Variants in PTPRD observed in about 807,000 individuals in gnomAD.
PTPRD encodes the protein protein tyrosine phosphatase receptor type D, also known as receptor-type tyrosine-protein phosphatase delta.
In PTPRD, 34 loss-of-function variants were observed where a neutral mutation model predicts 214.5. The ratio of observed to expected loss-of-function variants is 0.16; its 90% confidence interval spans 0.12 to 0.21. The LOEUF (loss-of-function observed/expected upper bound fraction) is 0.21. Among genes scored for constraint, PTPRD ranks in the 10% least tolerant of loss-of-function variants. The pLI is 1.00. For synonymous variants in PTPRD, 1,128 were observed against 845.7 expected (o/e 1.33, Z -5.79); for missense variants, 2,545 against 2,398.7 (o/e 1.06, Z -1.27).
chr9:8,947,160 A>G (rs1264918097), intron 11 of PTPRD, among the ~76,000 whole-genome samples: 1 of 148,610 alleles, frequency 6.7e-6, no homozygotes, highest in Non-Finnish European at 1.5e-5. Flanking sequence ...GCTTTATTTT[A>G]TTTTTAAAAA....
At chr9:9,385,186 G>A (rs2063506084) in intron 9 of PTPRD, among the ~76,000 whole-genome samples, 1 of 152,108 alleles carries the variant, frequency 6.6e-6, no homozygotes, top group African/African-American at 2.4e-5. Flanking sequence ...GTATCCACTT[G>A]TCTGAAAGCC....
rs532352744 is a variant in PTPRD at position 8,517,199 on chromosome 9, C to G, written c.1543+649G>C. Among the ~76,000 whole-genome samples, 5 of 152,064 alleles carry G rather than the reference C, an allele frequency of 3.3e-5. No individual in the cohort carries two copies. The East Asian group carries it at 5.8e-4, about 18-fold the overall frequency. ...AAAGACCAAAGAGGTTTGATAACCT[C>G]TTAGAAAAATAAAACCACTGGGAGG... On this transcript the variant is annotated intron_variant, in intron 21 of 45. Transcript: ENST00000381196.
intron 7 of PTPRD, among the ~76,000 whole-genome samples, chr9:9,727,406 C>T (rs561746947): frequency 2.6e-4 from 39 of 152,228 alleles, no homozygotes; most frequent in African/African-American, 9.4e-4. Flanking sequence ...GCCAAGATCG[C>T]ACCACTGCAC....
chr9:8,375,111 A>G (rs1364621272), intron 39 of PTPRD, among the ~76,000 whole-genome samples: 6 of 151,970 alleles, frequency 3.9e-5, no homozygotes, highest in African/African-American at 1.4e-4. Context: ...CTCAGGTTAT[A>G]AAGAACTATC....
chr9:10,302,955 TA>T (rs1160648299), intron 3 of PTPRD, among the ~76,000 whole-genome samples: 6 of 152,124 alleles, frequency 3.9e-5, no homozygotes, highest in African/African-American at 1.4e-4. Context: ...CAACAGAATA[TA>T]CATTCTTCTC....
chr9:9,625,725 C>T (rs1013221973), intron 7 of PTPRD, among the ~76,000 whole-genome samples: 3 of 152,038 alleles, frequency 2.0e-5, no homozygotes, highest in Non-Finnish European at 4.4e-5. Flanking sequence ...ATTATGAGGC[C>T]ATTATGGGAA....
chr9:9,178,610 G>C (rs1421637028), intron 10 of PTPRD, among the ~76,000 whole-genome samples: 3 of 152,002 alleles, frequency 2.0e-5, no homozygotes, highest in Non-Finnish European at 2.9e-5. Flanking sequence ...TCTAAGTCTA[G>C]TTATGAAGAG....
intron 11 of PTPRD, among the ~76,000 whole-genome samples, chr9:8,852,292 T>G (rs977535474): frequency 3.3e-5 from 5 of 152,172 alleles, no homozygotes; most frequent in African/African-American, 1.2e-4. Context: ...ATTTATAAAT[T>G]TAATCAATCT....
intron 5 of PTPRD, among the ~76,000 whole-genome samples, chr9:9,910,982 CT>C (rs1566222426): frequency 1.3e-5 from 2 of 151,866 alleles, no homozygotes; most frequent in African/African-American, 4.8e-5. Flanking sequence ...GGTTTGGTGT[CT>C]AGTTTCCAAT....
At chr9:9,671,325 C>T (rs1054900002) in intron 7 of PTPRD, among the ~76,000 whole-genome samples, 2 of 152,082 alleles carry the variant, frequency 1.3e-5, no homozygotes, top group African/African-American at 4.8e-5. Context: ...ACCTGTATTC[C>T]CATTGTATCT....
intron 11 of PTPRD, among the ~76,000 whole-genome samples, chr9:8,883,963 G>A (rs1446324700): frequency 1.3e-5 from 2 of 152,204 alleles, no homozygotes; most frequent in African/African-American, 4.8e-5. Context: ...GAAATGATAA[G>A]AGTATTGGGA....
At chr9:8,882,183 C>T (rs1266508150) in intron 11 of PTPRD, among the ~76,000 whole-genome samples, 2 of 152,194 alleles carry the variant, frequency 1.3e-5, no homozygotes, top group African/African-American at 2.4e-5. Flanking sequence ...CAAAGAAATA[C>T]TGTCGACTCA....
At chr9:8,681,980 C>A (rs997468524) in intron 12 of PTPRD, among the ~76,000 whole-genome samples, 2 of 152,144 alleles carry the variant, frequency 1.3e-5, no homozygotes, top group Non-Finnish European at 2.9e-5. Flanking sequence ...AAAAGTTCTA[C>A]AAACATTTCC....
chr9:8,601,708 T>C (rs1353964515), intron 14 of PTPRD, among the ~76,000 whole-genome samples: 1 of 152,204 alleles, frequency 6.6e-6, no homozygotes, highest in Non-Finnish European at 1.5e-5. Context: ...GATGGCAGTA[T>C]TGTTTTTCCT....
chr9:9,775,723 C>CACGA (rs2098792537), intron 5 of PTPRD, among the ~76,000 whole-genome samples: 1 of 152,048 alleles, frequency 6.6e-6, no homozygotes, highest in Non-Finnish European at 1.5e-5. Context: ...GCGGGTGGAT[C>CACGA]ACGAGGTCAG....
At chr9:8,794,937 C>A (rs2096364900) in intron 11 of PTPRD, among the ~76,000 whole-genome samples, 1 of 151,702 alleles carries the variant, frequency 6.6e-6, no homozygotes, top group South Asian at 2.1e-4. Context: ...GAACATAAGT[C>A]AATTTTTTTG....
chr9:9,755,769 T>C (rs1243516121), intron 6 of PTPRD, among the ~76,000 whole-genome samples: 16 of 152,096 alleles, frequency 1.1e-4, no homozygotes, highest in South Asian at 2.1e-4. Flanking sequence ...GCTCTCATTT[T>C]GGTAAAAATT....
At chr9:10,048,986 G>A (rs548139383) in intron 3 of PTPRD, among the ~76,000 whole-genome samples, 3 of 152,154 alleles carry the variant, frequency 2.0e-5, no homozygotes, top group South Asian at 2.1e-4. Context: ...CCTGACACTC[G>A]GGTAGTTCAA....
At chr9:10,100,680 G>A (rs1256574549) in intron 3 of PTPRD, among the ~76,000 whole-genome samples, 1 of 151,420 alleles carries the variant, frequency 6.6e-6, no homozygotes, top group Non-Finnish European at 1.5e-5. Flanking sequence ...ATACATGTTG[G>A]AGCGTTACAG....
Sources: gnomAD v4.1 joint callset for allele counts (sites outside exome capture counted in the v4.1 genomes callset) on GRCh38, gnomAD v4.1.1 for gene constraint, MANE v1.5 for transcripts, NCBI Gene and HGNC (gene_info 2026-07-23, HGNC 2026-07-21) for gene names.